LPA: variants seen among roughly 807,000 people sequenced by gnomAD.
The protein encoded by LPA is lipoprotein(a), also known as apolipoprotein(a).
In LPA, 199 loss-of-function variants were observed where a neutral mutation model predicts 197.9. That is an observed-to-expected ratio of 1.01 (90% confidence interval 0.90 to 1.13). The LOEUF (loss-of-function observed/expected upper bound fraction) is 1.13, where lower values mean the gene tolerates loss of function less well. LPA is among the 50% of genes most tolerant of loss of function. The pLI is 0.00. For synonymous variants in LPA, 715 were observed against 639.5 expected, an observed-to-expected ratio of 1.12 and a Z score of -1.78; for missense variants, 1,853 against 1,785.8, an observed-to-expected ratio of 1.04 and a Z score of -0.68.
At chr6:160,575,401 T>C (rs1017219395) in intron 28 of LPA, among the ~76,000 whole-genome samples, 1 of 152,242 alleles carries the variant, frequency 6.6e-6, no homozygotes, top group Non-Finnish European at 1.5e-5. Context: ...TCACACTAAA[T>C]GCTTCTTGTA....
At chr6:160,660,167 A>C (rs1313146387) in intron 1 of LPA, among the ~76,000 whole-genome samples, 1 of 152,196 alleles carries the variant, frequency 6.6e-6, no homozygotes, top group Non-Finnish European at 1.5e-5. Flanking sequence ...GTTGTATAGC[A>C]CTCAGATGTA....
In LPA at chr6:160,653,497, T is replaced by C. The variant is rs533217617; in HGVS notation, c.50-3000A>G. On this transcript the variant is annotated intron_variant, in intron 1 of 38. Coordinates refer to ENST00000316300, the MANE Select transcript of LPA (RefSeq NM_005577.4). The stretch of plus-strand genomic sequence containing the variant: ...AGTACATGAAAGTGAGTTTTAGAAC[T>C]CAATAATGAGTAATGAGTTCTGAAG... Among the ~76,000 whole-genome samples, 46 of 49,200 alleles carry C rather than the reference T, an allele frequency of 9.3e-4. No individual in the cohort carries two copies. The African/African-American group carries it at 0.011, about 11-fold the overall frequency. 32.3% of individuals were successfully genotyped at this position (49,200 alleles called of 152,430 possible).
chr6:160,595,438 T>C lies in LPA; in HGVS notation c.3385A>G (p.Thr1129Ala). The C allele has an allele frequency of 1.9e-6, 3 of 1,613,442 alleles. No individual in the cohort carries two copies. The highest frequency in any genetic ancestry group is 8.5e-7 in the Non-Finnish European group (1 of 1,179,850). ...CTTGATTCTGTCACCAGGCATTGTG[T>C]CAGGTTGCAGTACTCCCACCTGACA... ...PSVRWEYCNL[T>A]QCLVTESSVL... Residue 1129 changes from threonine to alanine, a missense_variant, in exon 21 of 39, where the codon ACA becomes GCA. Thr to Ala is a moderately conservative substitution (Grantham distance 58, BLOSUM62 0). Transcript: ENST00000316300.
At chr6:160,539,014 C>T (rs1777936097) in intron 36 of LPA, among the ~76,000 whole-genome samples, 1 of 152,164 alleles carries the variant, frequency 6.6e-6, no homozygotes, top group Non-Finnish European at 1.5e-5. Context: ...AAAGGCTGAG[C>T]CAGAAAGGCC....
intron 16 of LPA, among the ~76,000 whole-genome samples, chr6:160,610,721 T>C (rs918877968): frequency 1.3e-5 from 2 of 152,214 alleles, no homozygotes. Context: ...ATCCCTCTCC[T>C]CTGCTCAGCT....
At chr6:160,537,001 C>T (rs1316382605) in intron 37 of LPA, among the ~76,000 whole-genome samples, 7 of 152,248 alleles carry the variant, frequency 4.6e-5, no homozygotes, top group African/African-American at 7.2e-5. Flanking sequence ...AAAGAGGTAA[C>T]GTGTCTAGTT....
At chr6:160,572,366 C>A (rs368892254) in intron 28 of LPA, among the ~76,000 whole-genome samples, 3 of 152,252 alleles carry the variant, frequency 2.0e-5, no homozygotes, top group African/African-American at 2.4e-5. Context: ...TTAAGTGGAG[C>A]ATTTAGGCCA....
intron 27 of LPA, 115 bp from the exon 28 acceptor site, chr6:160,577,410 T>C (rs989724144): frequency 1.2e-5 from 11 of 936,484 alleles, no homozygotes; most frequent in South Asian, 2.9e-5. Flanking sequence ...TATTCTTTTT[T>C]CTACTAGTAG....
intron 30 of LPA, among the ~76,000 whole-genome samples, chr6:160,551,398 A>G (rs148178056): frequency 6.6e-6 from 1 of 152,308 alleles, no homozygotes; most frequent in Non-Finnish European, 1.5e-5. Flanking sequence ...TCCTCTGTTT[A>G]GTGAGTGGGA....
chr6:160,548,915 T>G (rs1042991232), intron 30 of LPA, among the ~76,000 whole-genome samples: 9 of 152,204 alleles, frequency 5.9e-5, no homozygotes, highest in African/African-American at 2.2e-4. Context: ...CACATTGCTA[T>G]GAGGAAATAC....
intron 29 of LPA, 111 bp downstream of exon 29, chr6:160,557,279 C>T: frequency 7.6e-7 from 1 of 1,308,830 alleles, no homozygotes; most frequent in South Asian, 1.2e-5. Flanking sequence ...TTTCCACCTG[C>T]CATACCCTCA....
At position 160,656,508 on chromosome 6, in the gene LPA, A is replaced by G. The variant is rs528915937; in HGVS notation, c.50-6011T>C. The stretch of plus-strand genomic sequence containing the variant: ...ACTCCATTAATTACCTAACCTCCAT[A>G]AGCCCCTACTTTAACTGGGGAACCA... On this transcript the variant is annotated intron_variant, in intron 1 of 38. Coordinates refer to ENST00000316300, the MANE Select transcript of LPA (RefSeq NM_005577.4). 3.3e-5 allele frequency among the ~76,000 whole-genome samples: 5 copies of G among 152,274 alleles called. No homozygotes were observed. The East Asian group carries it at 9.7e-4, about 29-fold the overall frequency.
At chr6:160,578,057 G>T (rs1371660250) in intron 27 of LPA, among the ~76,000 whole-genome samples, 1 of 152,056 alleles carries the variant, frequency 6.6e-6, no homozygotes, top group Non-Finnish European at 1.5e-5. Flanking sequence ...GCAGCCCCAG[G>T]ACAATAGAAA....
chr6:160,537,747 C>A, intron 37 of LPA, 108 bp downstream of exon 37: 2 of 1,048,102 alleles, frequency 1.9e-6, no homozygotes, highest in Non-Finnish European at 2.9e-6. Flanking sequence ...AGTGGGTAGA[C>A]CACATTCATG....
intron 32 of LPA, among the ~76,000 whole-genome samples, chr6:160,546,112 C>G (rs923566701): frequency 3.3e-5 from 5 of 152,180 alleles, no homozygotes; most frequent in Non-Finnish European, 5.9e-5. Flanking sequence ...TGAAGCAACT[C>G]TTGGTGGGTT....
In LPA at chr6:160,606,526, C is replaced by T. The variant is rs1344439639; in HGVS notation, c.2736G>A (p.Ala912=). The change falls in exon 17 of 39, where the codon GCG becomes GCA. Residue 912 remains alanine (A), a synonymous_variant. Coordinates refer to ENST00000316300, the MANE Select transcript of LPA (RefSeq NM_005577.4). ...TTGGAATCGGGGTAATAGTTGGAGGCGCGACGGCAGTCCCTTCTGCGTCTG... is the reference window on the plus strand; with the variant it reads ...TTGGAATCGGGGTAATAGTTGGAGGTGCGACGGCAGTCCCTTCTGCGTCTG... ...QCSDAEGTAV[A]PPTITPIPSL... 1.5e-5 allele frequency: 25 copies of T among 1,613,410 alleles called. No homozygotes were observed. The highest frequency in any genetic ancestry group is 1.7e-4 in the Middle Eastern group (1 of 5,716).
In LPA at chr6:160,585,059, A is replaced by G; in HGVS notation, c.4276T>C (p.Tyr1426His). The change falls in exon 26 of 39, where the codon TAC becomes CAC. Residue 1426 changes from tyrosine to histidine, a missense_variant. Physicochemically the swap from Tyr to His is moderately conservative, Grantham distance 83. Transcript: ENST00000316300. ...TGATAGACATACGCATTTGGATAGT[A>G]TAATGGGATCCTCCGATGCCAATGT... ...TPHWHRRIPL[Y>H]YPNAGLTRNY... The G allele has an allele frequency of 6.2e-7, 1 of 1,613,770 alleles. No individual in the cohort carries two copies. The highest frequency in any genetic ancestry group is 8.5e-7 in the Non-Finnish European group (1 of 1,179,724).
At chr6:160,560,271 G>T (rs944667945) in intron 28 of LPA, among the ~76,000 whole-genome samples, 2 of 152,188 alleles carry the variant, frequency 1.3e-5, no homozygotes, top group Admixed American at 6.5e-5. Flanking sequence ...TGTCTTTATT[G>T]TAGAATGATT....
At chr6:160,555,307 G>C (rs1251953644) in intron 30 of LPA, among the ~76,000 whole-genome samples, 3 of 139,486 alleles carry the variant, frequency 2.2e-5, no homozygotes, top group Non-Finnish European at 4.6e-5. Flanking sequence ...GTGTGTGTGT[G>C]TGTGTGTGTG....
Sources: gnomAD v4.1 joint callset for allele counts (sites outside exome capture counted in the v4.1 genomes callset) on GRCh38, gnomAD v4.1.1 for gene constraint, MANE v1.5 for transcripts, NCBI Gene and HGNC (gene_info 2026-07-23, HGNC 2026-07-21) for gene names.